IL1RAPL1: variants seen among roughly 807,000 people sequenced by gnomAD.
IL1RAPL1 encodes the protein interleukin-1 receptor accessory protein-like 1.
In IL1RAPL1, 3 loss-of-function variants were observed where a neutral mutation model predicts 48.4. That is an observed-to-expected ratio of 0.06 (90% confidence interval 0.03 to 0.16). IL1RAPL1 has a LOEUF of 0.16. IL1RAPL1 is among the 10% of genes least tolerant of loss of function. IL1RAPL1 has a pLI of 1.00. For missense variants in IL1RAPL1, 349 were observed against 530.6 expected, an observed-to-expected ratio of 0.66 and a Z score of 3.36; for synonymous variants, 185 against 187.7, an observed-to-expected ratio of 0.99 and a Z score of 0.12.
intron 2 of IL1RAPL1, among the ~76,000 whole-genome samples, chrX:28,966,970 A>G (rs1012575890): frequency 8.9e-6 from 1 of 111,861 alleles, no homozygotes; most frequent in Non-Finnish European, 1.9e-5. Context: ...GACTGGTTCA[A>G]TTTTTGTCAG....
intron 5 of IL1RAPL1, among the ~76,000 whole-genome samples, chrX:29,465,641 T>C (rs992798905): frequency 9.0e-6 from 1 of 110,873 alleles, no homozygotes; most frequent in Non-Finnish European, 1.9e-5. Context: ...AGAATGGGCA[T>C]TGGGATTTTT....
intron 5 of IL1RAPL1, among the ~76,000 whole-genome samples, chrX:29,641,466 T>C (rs1396339220): frequency 8.9e-6 from 1 of 112,661 alleles, no homozygotes; most frequent in Non-Finnish European, 1.9e-5. Context: ...CCTCTTTTCA[T>C]TTAAAGCCCA....
intron 6 of IL1RAPL1, among the ~76,000 whole-genome samples, chrX:29,739,716 T>C (rs1248623218): frequency 9.0e-6 from 1 of 111,090 alleles, no homozygotes; most frequent in East Asian, 2.8e-4. Context: ...AAATTTAGAG[T>C]ACCTTGCTCT....
intron 6 of IL1RAPL1, among the ~76,000 whole-genome samples, chrX:29,668,788 A>G (rs1926068774): frequency 8.9e-6 from 1 of 111,754 alleles, no homozygotes; most frequent in Admixed American, 9.6e-5. Context: ...CTGTCTTACA[A>G]GGTTTGAATT....
intron 6 of IL1RAPL1, among the ~76,000 whole-genome samples, chrX:29,704,182 G>A (rs1432815947): frequency 1.8e-5 from 2 of 110,135 alleles, no homozygotes; most frequent in Non-Finnish European, 3.8e-5. Context: ...CTCCTGCCTC[G>A]GCCTCCCAAT....
At chrX:28,938,164 T>A (rs747868502) in intron 2 of IL1RAPL1, among the ~76,000 whole-genome samples, 1 of 111,162 alleles carries the variant, frequency 9.0e-6, no homozygotes, top group Admixed American at 9.6e-5. Context: ...GTACAAAAAA[T>A]AATTTTAAAA....
At chrX:28,873,106 CTTTTTTT>C (rs764591682) in intron 2 of IL1RAPL1, among the ~76,000 whole-genome samples, 4 of 64,990 alleles carry the variant, frequency 6.2e-5, no homozygotes, top group African/African-American at 8.2e-5. Context: ...TTTTTTTTCA[CTTTTTTT>C]TTTTTTTTTT....
chrX:29,798,249 G>T (rs954082573), intron 6 of IL1RAPL1, among the ~76,000 whole-genome samples: 1 of 112,055 alleles, frequency 8.9e-6, no homozygotes, highest in Non-Finnish European at 1.9e-5. Context: ...ACTAAGTGAT[G>T]CTGATGGAGC....
chrX:29,046,025 CTCT>C (rs1356520517), intron 2 of IL1RAPL1, among the ~76,000 whole-genome samples: 12 of 82,388 alleles, frequency 1.5e-4, no homozygotes, highest in East Asian at 4.9e-4. Flanking sequence ...TTTCTTCTTC[CTCT>C]TCTTCTCCTC....
At chrX:29,746,134 G>A (rs1204750720) in intron 6 of IL1RAPL1, among the ~76,000 whole-genome samples, 1 of 111,513 alleles carries the variant, frequency 9.0e-6, no homozygotes, top group African/African-American at 3.3e-5. Context: ...AATAAGGGTG[G>A]CATATTTTGG....
chrX:29,442,658 C>A (rs1009730148), intron 5 of IL1RAPL1, among the ~76,000 whole-genome samples: 1 of 110,776 alleles, frequency 9.0e-6, no homozygotes, highest in Non-Finnish European at 1.9e-5. Flanking sequence ...GAGTTTGAAA[C>A]CAGCTTGTGC....
At chrX:29,525,853 A>G (rs1935547776) in intron 5 of IL1RAPL1, among the ~76,000 whole-genome samples, 1 of 112,213 alleles carries the variant, frequency 8.9e-6, no homozygotes, top group African/African-American at 3.2e-5. Context: ...GCTAACCCAC[A>G]CATGAAGCCC....
chrX:29,581,456 A>G (rs1424052263), intron 5 of IL1RAPL1, among the ~76,000 whole-genome samples: 1 of 111,825 alleles, frequency 8.9e-6, no homozygotes, highest in Non-Finnish European at 1.9e-5. Context: ...TCCTATTGCC[A>G]TATCTCCTAG....
chrX:29,598,572 T>A (rs1923624260), intron 5 of IL1RAPL1, among the ~76,000 whole-genome samples: 1 of 111,712 alleles, frequency 9.0e-6, no homozygotes, highest in Non-Finnish European at 1.9e-5. Flanking sequence ...TAAGTCCATT[T>A]TTTATTTGGT....
chrX:29,280,108 T>C (rs1932177556), intron 2 of IL1RAPL1, among the ~76,000 whole-genome samples: 1 of 112,460 alleles, frequency 8.9e-6, no homozygotes, highest in South Asian at 3.6e-4. Flanking sequence ...AATTTTACAC[T>C]TATAATCAAA....
chrX:29,228,868 T>C (rs1931140716), intron 2 of IL1RAPL1, among the ~76,000 whole-genome samples: 1 of 111,621 alleles, frequency 9.0e-6, no homozygotes, highest in South Asian at 3.7e-4. Context: ...TTGCCTTGCC[T>C]GAAGATCACC....
chrX:29,525,275 A>G (rs1935541744), intron 5 of IL1RAPL1, among the ~76,000 whole-genome samples: 1 of 112,340 alleles, frequency 8.9e-6, no homozygotes, highest in Non-Finnish European at 1.9e-5. Flanking sequence ...ATGCCCAATG[A>G]ATTTTAACTG....
intron 6 of IL1RAPL1, among the ~76,000 whole-genome samples, chrX:29,676,811 A>G (rs1436432413): frequency 8.9e-6 from 1 of 111,867 alleles, no homozygotes; most frequent in Non-Finnish European, 1.9e-5. Context: ...TTTTGATGAT[A>G]GTCATATCAT....
chrX:29,724,400 G>T (rs1340131165), intron 6 of IL1RAPL1, among the ~76,000 whole-genome samples: 1 of 111,983 alleles, frequency 8.9e-6, no homozygotes, highest in Non-Finnish European at 1.9e-5. Flanking sequence ...TGCAGGAGAT[G>T]AAATTGAGGC....
Sources: allele counts gnomAD v4.1 joint callset (sites outside exome capture counted in the v4.1 genomes callset), GRCh38; gene constraint gnomAD v4.1.1; transcripts MANE v1.5; gene names NCBI Gene and HGNC (gene_info 2026-07-23, HGNC 2026-07-21).